The following MAN2B2 variants were observed in gnomAD, a reference collection of about 807,000 sequenced individuals.
MAN2B2 encodes epididymis-specific alpha-mannosidase.
In MAN2B2, 106 loss-of-function variants were observed where a neutral mutation model predicts 117.1. The ratio of observed to expected loss-of-function variants is 0.90; its 90% CI spans 0.77 to 1.06. MAN2B2 has a LOEUF of 1.06. MAN2B2 is among the 50% of genes least tolerant of loss of function. The probability of loss-of-function intolerance (pLI) is 0.00; values close to 1 mark genes in which losing one functional copy is unlikely to be tolerated. For missense variants in MAN2B2, 1,326 were observed against 1,381.4 expected (o/e 0.96, Z 0.64); for synonymous variants, 544 against 595.1 (o/e 0.91, Z 1.25).
chr4:6,614,466 A>G (rs2108758289), intron 16 of MAN2B2, 111 bp downstream of exon 16: 2 of 1,301,404 alleles, frequency 1.5e-6, no homozygotes, highest in Non-Finnish European at 2.1e-6. Flanking sequence ...TGGCTCTGCA[A>G]GGTCACCTGG....
chr4:6,601,840 G>A (rs1345652858), intron 10 of MAN2B2, among the ~76,000 whole-genome samples: 1 of 152,218 alleles, frequency 6.6e-6, no homozygotes, highest in Non-Finnish European at 1.5e-5. Flanking sequence ...ACAGCTGCGA[G>A]GTGGCAAACT....
At chr4:6,602,967 C>A (rs1159041187) in intron 10 of MAN2B2, among the ~76,000 whole-genome samples, 4 of 152,206 alleles carry the variant, frequency 2.6e-5, no homozygotes, top group Non-Finnish European at 4.4e-5. Context: ...TGAGCCACCA[C>A]ACCAGGCCTG....
Position 6,609,912 on chromosome 4 carries a change from C to G in MAN2B2, c.2121C>G (p.Gly707=), listed in dbSNP as rs200155334. The G allele has an allele frequency of 2.4e-5, 38 of 1,614,018 alleles. No homozygotes were observed. The highest frequency in any genetic ancestry group is 3.1e-5 in the Non-Finnish European group (37 of 1,180,034). The part of the protein sequence containing the change: ...CHRIEQEYQA[G]PLELNREAVL... The stretch of plus-strand genomic sequence containing the variant: ...GGATAGAGCAGGAGTACCAAGCCGG[C>G]CCCCTGGAGCTGAACCGTGAGGCTG... The change falls in exon 13 of 19, where the codon GGC becomes GGG. Residue 707 remains glycine, a synonymous_variant. Coordinates refer to ENST00000285599, the MANE Select transcript of MAN2B2 (RefSeq NM_015274.3).
At chr4:6,593,861 G>A (rs1282649923) in intron 6 of MAN2B2, among the ~76,000 whole-genome samples, 1 of 152,150 alleles carries the variant, frequency 6.6e-6, no homozygotes, top group African/African-American at 2.4e-5. Context: ...AAGCAGGCTG[G>A]TATCCATTTC....
chr4:6,575,983 C>A lies in MAN2B2; in HGVS notation c.139-595C>A, dbSNP rs116413626. On this transcript the variant is annotated intron_variant, in intron 1 of 18. Coordinates refer to ENST00000285599, the MANE Select transcript of MAN2B2 (RefSeq NM_015274.3). ...AACCCTCATGCCTCCTGACTCCCTG[C>A]TCGGTGCTCCTTCCATTCATGTAAG... 7.8e-3 allele frequency among the ~76,000 whole-genome samples: 1,195 copies of A among 152,280 alleles called. 22 individuals are homozygous for A. Among genetic ancestry groups the A allele is most frequent in the African/African-American group, 0.027 (1,128 of 41,548 alleles).
rs1726760293 is a variant in MAN2B2, at chr4:6,589,119, G to A, written c.639G>A (p.Gln213=). 1 of 1,614,184 alleles carries A rather than the reference G, an allele frequency of 6.2e-7. No individual in the cohort carries two copies. ...RQEIFTHIMD[Q]YSYCTPSHIP... The stretch of plus-strand genomic sequence containing the variant: ...AAATCTTCACGCACATCATGGACCA[G>A]TACAGCTACTGCACCCCGTCCCACA... Residue 213 remains glutamine (Q), a synonymous_variant, in exon 5 of 19, where the codon CAG becomes CAA. Coordinates refer to ENST00000285599, the MANE Select transcript of MAN2B2 (RefSeq NM_015274.3).
At chr4:6,621,105 CTG>C (rs2108763158) in intron 18 of MAN2B2, 81 bp from the exon 19 acceptor site, 1 of 967,810 alleles carries the variant, frequency 1.0e-6, no homozygotes, top group South Asian at 1.4e-5. Flanking sequence ...CCACAGCAGA[CTG>C]TAGACAGGTG....
At chr4:6,579,210 T>TCACCAGCACCACCACCATCACCAC (rs1726269753) in intron 3 of MAN2B2, among the ~76,000 whole-genome samples, 1 of 21,518 alleles carries the variant, frequency 4.6e-5, no homozygotes, top group African/African-American at 1.3e-4. Context: ...ACCATCACCA[T>TCACCAGCACCACCACCATCACCAC]CACCACCACC....
rs4689487 is a variant in MAN2B2, at chr4:6,610,086, T to C, written c.2259+36T>C. ...CAATGCCCACAAGGCACGCTCCCAA[T>C]GGCGCCTTTCCTGGACCCATTAAGC... On this transcript the variant is annotated intron_variant, in intron 13 of 18. Transcript: ENST00000285599. 0.2 allele frequency: 321,146 copies of C among 1,609,950 alleles called. 33,589 individuals carry two copies. Among genetic ancestry groups the C allele is most frequent in the African/African-American group, 0.34 (25,300 of 74,924 alleles).
intron 15 of MAN2B2, 90 bp from the exon 16 acceptor site, chr4:6,614,128 G>A (rs1380099993): frequency 4.2e-5 from 63 of 1,502,688 alleles, no homozygotes; most frequent in African/African-American, 6.9e-5. Context: ...GGCTGGCAGG[G>A]GCAGGGGCAT....
rs1265835996 is a variant in MAN2B2 at position 6,594,556 on chromosome 4, A to G, written c.881A>G (p.Asn294Ser). The G allele has an allele frequency of 1.9e-6, 3 of 1,613,416 alleles. No individual in the cohort carries two copies. The highest frequency in any genetic ancestry group is 1.1e-5 in the South Asian group (1 of 91,084). The change falls in exon 7 of 19, where the codon AAT (asparagine) becomes AGT (serine). Residue 294 changes from asparagine (N) to serine (S), a missense_variant. By Grantham distance (46) the Asn-to-Ser change is conservative. Transcript: ENST00000285599. ...CAGGGATGTGACAAGCAGTTCTTCA[A>G]TGCCTCGGTGCAGTTTGCCAACATG... ...WPWGCDKQFF[N>S]ASVQFANMDP...
Position 6,611,187 on chromosome 4 carries a change from G to T in MAN2B2, c.2472G>T (p.Leu824=), listed in dbSNP as rs778145839. Residue 824 remains leucine, a synonymous_variant, in exon 15 of 19, where the codon CTG becomes CTT. Transcript: ENST00000285599. ...TSVVHPVLWL[L]LGSWSLTTAL... Reference sequence around the variant, plus strand: ...TCGTCCACCCAGTGCTCTGGCTTCTGCTGGGATCCTGGTCCCTCACCACTG... The same window carrying T: ...TCGTCCACCCAGTGCTCTGGCTTCTTCTGGGATCCTGGTCCCTCACCACTG... The T allele has an allele frequency of 1.1e-5, 18 of 1,613,964 alleles. No individual in the cohort carries two copies. The highest frequency in any genetic ancestry group is 1.1e-4 in the South Asian group (10 of 91,086).
chr4:6,608,976 G>A, intron 11 of MAN2B2, 131 bp from the exon 12 acceptor site: 2 of 752,722 alleles, frequency 2.7e-6, no homozygotes, highest in Admixed American at 2.9e-5. Context: ...TTCTAGATGA[G>A]CTGAGTCACA....
intron 18 of MAN2B2, 72 bp downstream of exon 18, chr4:6,620,116 C>A: frequency 7.8e-7 from 1 of 1,278,732 alleles, no homozygotes. Flanking sequence ...AGACCCGGTG[C>A]ACATCCAACC....
intron 3 of MAN2B2, among the ~76,000 whole-genome samples, chr4:6,579,063 T>TCACCATCACCACTACCACCACCAC (rs1726202375): frequency 3.0e-5 from 1 of 33,182 alleles, no homozygotes; most frequent in Non-Finnish European, 6.1e-5. Flanking sequence ...ACCACCACCA[T>TCACCATCACCACTACCACCACCAC]CACCATCACC....
chr4:6,576,921 A>G (rs1178839996), intron 2 of MAN2B2, among the ~76,000 whole-genome samples, 197 bp downstream of exon 2: 2 of 152,142 alleles, frequency 1.3e-5, no homozygotes, highest in East Asian at 3.9e-4. Flanking sequence ...ATTGCTTTCA[A>G]TTTAATCCTG....
chr4:6,605,009 G>A, intron 10 of MAN2B2, 46 bp from the exon 11 acceptor site: 1 of 1,584,882 alleles, frequency 6.3e-7, no homozygotes, highest in Non-Finnish European at 8.6e-7. Context: ...ATTCCAGAAA[G>A]TGTGAGAGCT....
At chr4:6,587,628 C>T (rs567949670) in intron 4 of MAN2B2, among the ~76,000 whole-genome samples, 41 of 152,276 alleles carry the variant, frequency 2.7e-4, no homozygotes, top group Non-Finnish European at 4.9e-4. Flanking sequence ...CCATGGTAGA[C>T]GCTGCCTTCG....
At chr4:6,599,921 G>A (rs576333828) in intron 9 of MAN2B2, among the ~76,000 whole-genome samples, 90 of 152,368 alleles carry the variant, frequency 5.9e-4, no homozygotes, top group African/African-American at 1.9e-3. Context: ...TTCACTGCCA[G>A]GTGGGGACTT....
Sources: allele counts gnomAD v4.1 joint callset (sites outside exome capture counted in the v4.1 genomes callset), GRCh38; gene constraint gnomAD v4.1.1; transcripts MANE v1.5; gene names NCBI Gene and HGNC (gene_info 2026-07-23, HGNC 2026-07-21).